Variants in TMTC3 observed in about 807,000 individuals in gnomAD.
TMTC3 encodes transmembrane O-mannosyltransferase targeting cadherins 3.
TMTC3 carries 52 observed loss-of-function variants against 92.2 expected under a neutral mutation model. The observed-to-expected ratio is 0.56, with a 90% CI of 0.45 to 0.71. TMTC3 has a LOEUF of 0.71. Ranked by LOEUF, TMTC3 falls within the 30% of genes least tolerant of loss-of-function variation. TMTC3 has a pLI of 0.00. For missense variants in TMTC3, 896 were observed against 1,057.1 expected, an observed-to-expected ratio of 0.85 and a Z score of 2.11; for synonymous variants, 339 against 363.3, an observed-to-expected ratio of 0.93 and a Z score of 0.76.
chr12:88,199,616 A>G lies in TMTC3; in HGVS notation c.*3967A>G, dbSNP rs1321174672. On this transcript the variant is annotated 3_prime_UTR_variant, in exon 14 of 14. Coordinates refer to ENST00000266712, the MANE Select transcript of TMTC3 (RefSeq NM_181783.4). ...TGCTAACAAGTACATAGATAGCCTA[A>G]GATAAATTATACTTAGGATGAAGCT... 2.6e-5 allele frequency: 4 copies of G among 152,194 alleles called. No individual in the cohort carries two copies. Among genetic ancestry groups the G allele is most frequent in the Non-Finnish European group, 4.4e-5 (3 of 68,026 alleles). 9.4% of individuals were successfully genotyped at this position (152,194 alleles called of 1,614,324 possible). A position where few individuals can be genotyped will look rare whatever the true frequency, so the allele number is the denominator to read the frequency against.
At chr12:88,181,329 G>T (rs935721872) in intron 10 of TMTC3, among the ~76,000 whole-genome samples, 2 of 152,150 alleles carry the variant, frequency 1.3e-5, no homozygotes, top group African/African-American at 4.8e-5. Flanking sequence ...TAACCGATTA[G>T]GTTCTAGTCC....
intron 10 of TMTC3, among the ~76,000 whole-genome samples, chr12:88,182,444 G>A (rs1483838930): frequency 1.3e-5 from 2 of 152,072 alleles, no homozygotes; most frequent in Admixed American, 1.3e-4. Context: ...CCCAAGATGG[G>A]GCAAAGCCAA....
At chr12:88,188,791 T>G (rs2041406996) in intron 10 of TMTC3, 52 bp from the exon 11 acceptor site, 4 of 858,140 alleles carry the variant, frequency 4.7e-6, no homozygotes, top group Non-Finnish European at 7.5e-6. Context: ...ATTGAGTATA[T>G]TGAATATATC....
chr12:88,174,197 A>G (rs925509859), intron 8 of TMTC3, among the ~76,000 whole-genome samples: 2 of 152,130 alleles, frequency 1.3e-5, no homozygotes, highest in Non-Finnish European at 2.9e-5. Flanking sequence ...TAGTCTTGGT[A>G]TAAATTGTAA....
intron 10 of TMTC3, among the ~76,000 whole-genome samples, chr12:88,180,855 G>T (rs1482370646): frequency 6.6e-6 from 1 of 151,972 alleles, no homozygotes; most frequent in Non-Finnish European, 1.5e-5. Flanking sequence ...TAAAACCACA[G>T]GTTTTATGTT....
At chr12:88,153,546 CT>C (rs765152993) in intron 3 of TMTC3, 37 bp downstream of exon 3, 4 of 1,301,580 alleles carry the variant, frequency 3.1e-6, no homozygotes, top group East Asian at 4.7e-5. Context: ...TTTCTTTTTC[CT>C]TTTTTACAAA....
At position 88,199,169 on chromosome 12, in the gene TMTC3, A is replaced by G. The variant is rs1481315346; in HGVS notation, c.*3520A>G. The stretch of plus-strand genomic sequence containing the variant: ...GTTTCTGAGAGTGATACATTTTCAA[A>G]CATGAGGAGTGACAACCACCAAATT... On this transcript the variant is annotated 3_prime_UTR_variant, in exon 14 of 14. Transcript: ENST00000266712. The G allele has an allele frequency of 6.6e-6, 1 of 152,000 alleles. No individual in the cohort carries two copies. The highest frequency in any genetic ancestry group is 1.9e-4 in the East Asian group (1 of 5,186). 9.4% of individuals were successfully genotyped at this position (152,000 alleles called of 1,614,324 possible).
intron 12 of TMTC3, among the ~76,000 whole-genome samples, chr12:88,191,477 T>C (rs2041441964): frequency 6.6e-6 from 1 of 152,308 alleles, no homozygotes; most frequent in East Asian, 1.9e-4. Context: ...AAGAGTAGTA[T>C]TATAAGAACA....
chr12:88,179,095 C>G (rs1489371912), intron 10 of TMTC3, among the ~76,000 whole-genome samples: 2 of 152,150 alleles, frequency 1.3e-5, no homozygotes, highest in Non-Finnish European at 1.5e-5. Flanking sequence ...TTCTATTAAT[C>G]ATAAGCCATG....
chr12:88,180,324 T>C (rs577521703), intron 10 of TMTC3, among the ~76,000 whole-genome samples: 2 of 152,246 alleles, frequency 1.3e-5, no homozygotes, highest in Admixed American at 6.5e-5. Flanking sequence ...ACTGGGGGTA[T>C]GTTAATCCCT....
chr12:88,176,142 A>G (rs2041256389), intron 9 of TMTC3, 66 bp from the exon 10 acceptor site: 5 of 1,050,966 alleles, frequency 4.8e-6, no homozygotes, highest in Non-Finnish European at 4.2e-6. Context: ...TACCAAACAA[A>G]TATCTGTATG....
intron 6 of TMTC3, among the ~76,000 whole-genome samples, chr12:88,161,756 CT>C (rs1174545686): frequency 6.6e-6 from 1 of 151,132 alleles, no homozygotes; most frequent in Non-Finnish European, 1.5e-5. Flanking sequence ...ACATCCTCTG[CT>C]TATCACAGTT....
At position 88,153,320 on chromosome 12, in the gene TMTC3, A is replaced by T. The variant is rs201970454; in HGVS notation, c.219A>T (p.Leu73Phe). Residue 73 changes from leucine (L) to phenylalanine (F), a missense_variant, in exon 3 of 14, where the codon TTA becomes TTT. By Grantham distance (22) the Leu-to-Phe change is conservative. Transcript: ENST00000266712. Reference sequence around the variant, plus strand: ...GAAGCCACAAGTCTTACCGTCCCTTAACAGTATTGACATTTCGCTTAAATT... The same window carrying T: ...GAAGCCACAAGTCTTACCGTCCCTTTACAGTATTGACATTTCGCTTAAATT... ...EERSHKSYRP[L>F]TVLTFRLNYL... 3.1e-6 allele frequency: 5 copies of T among 1,612,984 alleles called. No individual in the cohort carries two copies. The highest frequency in any genetic ancestry group is 3.3e-5 in the Admixed American group (2 of 59,922).
chr12:88,149,262 T>C (rs1400425133), intron 2 of TMTC3, among the ~76,000 whole-genome samples: 3 of 152,164 alleles, frequency 2.0e-5, no homozygotes, highest in African/African-American at 7.2e-5. Context: ...TTTACTGTTT[T>C]GAAGGTCACT....
chr12:88,144,727 TGG>T (rs1355631239), intron 1 of TMTC3, among the ~76,000 whole-genome samples: 1 of 152,224 alleles, frequency 6.6e-6, no homozygotes, highest in African/African-American at 2.4e-5. Flanking sequence ...TGCTAGGCAC[TGG>T]GGATACAGCA....
chr12:88,192,493 G>A, intron 12 of TMTC3, 111 bp from the exon 13 acceptor site: 1 of 673,094 alleles, frequency 1.5e-6, no homozygotes, highest in East Asian at 2.6e-5. Flanking sequence ...AAGAGTCTGA[G>A]TTAAGAGAAA....
intron 8 of TMTC3, chr12:88,173,161 A>G: frequency 2.7e-6 from 3 of 1,091,728 alleles, no homozygotes; most frequent in Admixed American, 3.4e-5. Context: ...TATCATCACT[A>G]TCTTCATTAT....
At chr12:88,164,894 C>G (rs1469201882) in intron 6 of TMTC3, among the ~76,000 whole-genome samples, 1 of 151,948 alleles carries the variant, frequency 6.6e-6, no homozygotes, top group African/African-American at 2.4e-5. Context: ...TTGTTAATAT[C>G]CTGGATTTTT....
chr12:88,150,204 A>T (rs2468228), intron 2 of TMTC3, among the ~76,000 whole-genome samples: 1 of 152,078 alleles, frequency 6.6e-6, no homozygotes, highest in Non-Finnish European at 1.5e-5. Flanking sequence ...AAGGGGAAGC[A>T]GGAGCAGGCA....
Sources: allele counts gnomAD v4.1 joint callset (sites outside exome capture counted in the v4.1 genomes callset), GRCh38; gene constraint gnomAD v4.1.1; transcripts MANE v1.5; gene names NCBI Gene and HGNC (gene_info 2026-07-23, HGNC 2026-07-21).